The following MKX variants were observed in gnomAD, a reference collection of about 807,000 sequenced individuals.
MKX encodes the protein mohawk homeobox.
MKX carries 13 observed loss-of-function variants against 36.0 expected under a neutral mutation model. That is an observed-to-expected ratio of 0.36 (90% CI 0.24 to 0.57). The LOEUF (loss-of-function observed/expected upper bound fraction) is 0.57, where lower values mean the gene tolerates loss of function less well. Among genes scored for constraint, MKX ranks in the 20% least tolerant of loss-of-function variants. The pLI, the probability that MKX is intolerant of heterozygous loss-of-function variation, is 0.79. For synonymous variants in MKX, 176 were observed against 178.3 expected (o/e 0.99, Z 0.10); for missense variants, 458 against 456.4 (o/e 1.00, Z -0.03).
intron 3 of MKX, among the ~76,000 whole-genome samples, chr10:27,736,110 G>A (rs545247383): frequency 6.6e-6 from 1 of 152,094 alleles, no homozygotes; most frequent in Non-Finnish European, 1.5e-5. Context: ...AAATTCAAGA[G>A]GAAAAGGCAC....
intron 5 of MKX, among the ~76,000 whole-genome samples, chr10:27,701,343 G>T (rs1836649003): frequency 7.2e-6 from 1 of 139,800 alleles, no homozygotes; most frequent in South Asian, 2.3e-4. Context: ...TTATGTTTGA[G>T]CTTTGAGAGT....
At chr10:27,676,611 C>T (rs188131802) in intron 5 of MKX, among the ~76,000 whole-genome samples, 56 of 152,128 alleles carry the variant, frequency 3.7e-4, no homozygotes, top group African/African-American at 4.8e-4. Context: ...CTCCTGACCT[C>T]GTGATCAGCC....
At chr10:27,711,477 T>C (rs201355230) in intron 5 of MKX, among the ~76,000 whole-genome samples, 2,486 of 9,952 alleles carry the variant, frequency 0.25, 173 homozygotes, top group East Asian at 0.52. Context: ...CTTTCTTTCT[T>C]TCTTTCTCTC....
intron 5 of MKX, among the ~76,000 whole-genome samples, chr10:27,683,855 G>A (rs1023787829): frequency 4.6e-5 from 7 of 152,164 alleles, no homozygotes; most frequent in Admixed American, 2.6e-4. Context: ...AAGTTGCAGT[G>A]CCTTACCAAA....
chr10:27,692,173 C>T (rs552724686), intron 5 of MKX, among the ~76,000 whole-genome samples: 28 of 152,188 alleles, frequency 1.8e-4, no homozygotes, highest in African/African-American at 5.8e-4. Flanking sequence ...AAGAAAATAT[C>T]GCCCAGAAAT....
At chr10:27,729,638 G>A (rs1157148067) in intron 5 of MKX, among the ~76,000 whole-genome samples, 1 of 152,018 alleles carries the variant, frequency 6.6e-6, no homozygotes, top group Non-Finnish European at 1.5e-5. Flanking sequence ...GATCATCTGT[G>A]ATCTGTGAAA....
chr10:27,725,307 A>T (rs1834464859), intron 5 of MKX, among the ~76,000 whole-genome samples: 1 of 152,226 alleles, frequency 6.6e-6, no homozygotes. Context: ...GGAAGCTGTC[A>T]AAGAGGAAAG....
chr10:27,717,509 G>A (rs560722020), intron 5 of MKX, among the ~76,000 whole-genome samples: 9 of 152,280 alleles, frequency 5.9e-5, no homozygotes, highest in South Asian at 2.1e-4. Context: ...CAGGCTGGAC[G>A]TCTGGCATTT....
At chr10:27,719,158 G>A (rs1453066497) in intron 5 of MKX, among the ~76,000 whole-genome samples, 2 of 152,034 alleles carry the variant, frequency 1.3e-5, no homozygotes, top group African/African-American at 4.8e-5. Context: ...AACAATAAAA[G>A]GTACCATTGC....
At chr10:27,718,150 C>G (rs1277404249) in intron 5 of MKX, among the ~76,000 whole-genome samples, 3 of 151,992 alleles carry the variant, frequency 2.0e-5, no homozygotes, top group South Asian at 2.1e-4. Flanking sequence ...CACAGTCAAA[C>G]AAACCAACGA....
intron 3 of MKX, among the ~76,000 whole-genome samples, chr10:27,739,515 A>G (rs911713298): frequency 6.6e-6 from 1 of 152,178 alleles, no homozygotes; most frequent in African/African-American, 2.4e-5. Context: ...AAAATGTAAT[A>G]GCCTTACCAA....
In MKX at chr10:27,675,224, AGCTCTTAAAACT is replaced by A; in HGVS notation, c.1052_*4del. ...CATCCATTGGATCTGAAAAGCAACA[AGCTCTTAAAACT>A]GCTGCACCAGCGGCACTTTGACAGT... On this transcript the variant is annotated stop_lost and 3_prime_UTR_variant, in exon 7 of 7. Coordinates refer to ENST00000419761, the MANE Select transcript of MKX (RefSeq NM_173576.3). 2 of 1,611,504 alleles carry A rather than the reference AGCTCTTAAAACT, an allele frequency of 1.2e-6. No homozygotes were observed. The highest frequency in any genetic ancestry group is 1.7e-6 in the Non-Finnish European group (2 of 1,178,470).
chr10:27,743,795 C>T (rs888460144), intron 1 of MKX, among the ~76,000 whole-genome samples: 1 of 152,160 alleles, frequency 6.6e-6, no homozygotes, highest in African/African-American at 2.4e-5. Flanking sequence ...GAAACGAATT[C>T]CCAAACGAGC....
Position 27,741,271 on chromosome 10 carries a change from C to T in MKX, c.348+74G>A. 1 of 1,582,230 alleles carries T rather than the reference C, an allele frequency of 6.3e-7. No homozygotes were observed. The highest frequency in any genetic ancestry group is 8.6e-7 in the Non-Finnish European group (1 of 1,163,060). On this transcript the variant is annotated intron_variant, in intron 3 of 6. Coordinates refer to ENST00000419761, the MANE Select transcript of MKX (RefSeq NM_173576.3). The surrounding 1 kb of genome is among the most constrained non-coding windows in gnomAD (Gnocchi z 5.1). Reference sequence around the variant, plus strand: ...GGTAGAAGCGCCACGTGGAGAGCCACACGAACTCTAAGCGTTCCCGCTCTT... The same window carrying T: ...GGTAGAAGCGCCACGTGGAGAGCCATACGAACTCTAAGCGTTCCCGCTCTT...
intron 5 of MKX, among the ~76,000 whole-genome samples, chr10:27,716,533 G>A (rs2132605772): frequency 6.6e-6 from 1 of 151,712 alleles, no homozygotes; most frequent in Non-Finnish European, 1.5e-5. Context: ...TAACCTTAAG[G>A]AAAGCAAGAT....
At chr10:27,739,578 G>A (rs1834850096) in intron 3 of MKX, among the ~76,000 whole-genome samples, 3 of 152,012 alleles carry the variant, frequency 2.0e-5, no homozygotes, top group Non-Finnish European at 4.4e-5. Context: ...ATTACAGGTG[G>A]CAAATAATTT....
chr10:27,707,492 A>G (rs1836777924), intron 5 of MKX, among the ~76,000 whole-genome samples: 1 of 152,204 alleles, frequency 6.6e-6, no homozygotes, highest in African/African-American at 2.4e-5. Context: ...TAAAGAAATC[A>G]GGTCTGTAAT....
Position 27,735,164 on chromosome 10 carries a change from T to C in MKX, c.502+57A>G, listed in dbSNP as rs570486813. 114 of 1,453,002 alleles carry C rather than the reference T, an allele frequency of 7.8e-5. No individual in the cohort carries two copies. In the African/African-American group the frequency reaches 1.5e-3, roughly 19 times the overall value. The allele number at this position is 1,453,002 out of a possible 1,614,324, so 90.0% of individuals were successfully genotyped here. ...AGAGCAACCTTAAAAATAGCAATTA[T>C]GGTGAACTTGCTAATAGAGGCAAAA... On this transcript the variant is annotated intron_variant, in intron 4 of 6. Transcript: ENST00000419761.
At chr10:27,684,048 T>A (rs1836300254) in intron 5 of MKX, among the ~76,000 whole-genome samples, 1 of 152,210 alleles carries the variant, frequency 6.6e-6, no homozygotes, top group African/African-American at 2.4e-5. Context: ...ATACAGCAGC[T>A]TATGCCTGTA....
Sources: allele counts gnomAD v4.1 joint callset (sites outside exome capture counted in the v4.1 genomes callset), GRCh38; gene constraint gnomAD v4.1.1; non-coding constraint Gnocchi (gnomAD v3.1); transcripts MANE v1.5; gene names NCBI Gene and HGNC (gene_info 2026-07-23, HGNC 2026-07-21).